The following BCKDHB variants were observed in gnomAD, a reference collection of about 807,000 sequenced individuals.
The protein encoded by BCKDHB is 2-oxoisovalerate dehydrogenase subunit beta, mitochondrial.
BCKDHB carries 41 observed loss-of-function variants against 48.5 expected under a neutral mutation model. The ratio of observed to expected loss-of-function variants is 0.85; its 90% CI spans 0.66 to 1.10. The LOEUF is 1.10. Among genes scored for constraint, BCKDHB ranks in the 50% least tolerant of loss-of-function variants. The probability of loss-of-function intolerance (pLI) is 0.00; values close to 1 mark genes in which losing one functional copy is unlikely to be tolerated. For missense variants in BCKDHB, 496 were observed against 494.2 expected (o/e 1.00, Z -0.03); for synonymous variants, 201 against 174.8 (o/e 1.15, Z -1.18).
intron 9 of BCKDHB, among the ~76,000 whole-genome samples, chr6:80,320,499 C>T (rs1247276132): frequency 1.3e-5 from 2 of 152,234 alleles, no homozygotes; most frequent in Non-Finnish European, 2.9e-5. Flanking sequence ...ATTATTAAAA[C>T]TTCATTTCTA....
chr6:80,384,873 G>A, the BCKDHB span, among the ~76,000 whole-genome samples: 1 of 152,154 alleles, frequency 6.6e-6, no homozygotes, highest in South Asian at 2.1e-4. Context: ...GACTTCTTTT[G>A]TTGGTTTTGG....
intron 8 of BCKDHB, among the ~76,000 whole-genome samples, chr6:80,222,202 A>G (rs573393977): frequency 1.3e-5 from 2 of 152,288 alleles, no homozygotes; most frequent in Admixed American, 1.3e-4. Flanking sequence ...CCTACTTATA[A>G]GTCAGAACAT....
intron 9 of BCKDHB, among the ~76,000 whole-genome samples, chr6:80,294,705 G>A (rs1002602305): frequency 3.3e-4 from 51 of 152,292 alleles, no homozygotes; most frequent in African/African-American, 1.1e-3. Context: ...AGACTTATTA[G>A]GGTGGGGAAG....
At chr6:80,287,460 G>T (rs1296358154) in intron 9 of BCKDHB, among the ~76,000 whole-genome samples, 1 of 91,920 alleles carries the variant, frequency 1.1e-5, no homozygotes, top group Non-Finnish European at 2.3e-5. Context: ...CTATTCCTTG[G>T]TTCAGTGATT....
At chr6:80,296,331 A>C (rs1767246007) in intron 9 of BCKDHB, among the ~76,000 whole-genome samples, 1 of 152,210 alleles carries the variant, frequency 6.6e-6, no homozygotes, top group African/African-American at 2.4e-5. Flanking sequence ...CACAATTGAC[A>C]AGGAAATTTG....
intron 3 of BCKDHB, among the ~76,000 whole-genome samples, chr6:80,141,575 A>G (rs184577734): frequency 2.0e-5 from 3 of 152,216 alleles, no homozygotes; most frequent in African/African-American, 4.8e-5. Flanking sequence ...GTTTTTCTCA[A>G]TCTTATTTGA....
At chr6:80,383,313 T>A in the BCKDHB span, among the ~76,000 whole-genome samples, 35 of 152,160 alleles carry the variant, frequency 2.3e-4, no homozygotes, top group Non-Finnish European at 4.4e-4. Flanking sequence ...TTTATTTTAC[T>A]GATTTATGAG....
At chr6:80,320,727 T>C (rs1007830038) in intron 9 of BCKDHB, among the ~76,000 whole-genome samples, 4 of 152,214 alleles carry the variant, frequency 2.6e-5, no homozygotes, top group African/African-American at 7.2e-5. Context: ...TAGGCAATTA[T>C]GATTTTTGCA....
At chr6:80,235,064 A>G (rs1297872577) in intron 8 of BCKDHB, among the ~76,000 whole-genome samples, 2 of 152,186 alleles carry the variant, frequency 1.3e-5, no homozygotes, top group Non-Finnish European at 2.9e-5. Flanking sequence ...ATCAAAATAC[A>G]GTTAGAAGAA....
In BCKDHB at chr6:80,283,608, T is replaced by C. The variant is rs115409815; in HGVS notation, c.1038+10387T>C. ...TTCTCTGAAGGAAAGCATTACTTTA[T>C]TTAAAAAGTTAATGGTGATTTCTAT... On this transcript the variant is annotated intron_variant, in intron 9 of 9. Coordinates refer to ENST00000320393, the MANE Select transcript of BCKDHB (RefSeq NM_183050.4). 6.0e-3 allele frequency among the ~76,000 whole-genome samples: 916 copies of C among 152,256 alleles called. 11 individuals carry two copies. Among genetic ancestry groups the C allele is most frequent in the African/African-American group, 0.021 (876 of 41,580 alleles).
At chr6:80,250,862 A>G (rs1398995404) in intron 8 of BCKDHB, among the ~76,000 whole-genome samples, 2 of 152,194 alleles carry the variant, frequency 1.3e-5, no homozygotes, top group Non-Finnish European at 2.9e-5. Context: ...CACATCTGTG[A>G]AGTCCACTTA....
the BCKDHB span, among the ~76,000 whole-genome samples, chr6:80,411,524 C>T: frequency 2.0e-5 from 3 of 152,224 alleles, no homozygotes; most frequent in Non-Finnish European, 4.4e-5. Context: ...TTAAAGTCTG[C>T]AGAAGTAGTC....
chr6:80,177,006 C>G (rs1773187452), intron 6 of BCKDHB, among the ~76,000 whole-genome samples: 1 of 152,034 alleles, frequency 6.6e-6, no homozygotes, highest in African/African-American at 2.4e-5. Context: ...GGGAGGATCG[C>G]TTGAGCCCAG....
At chr6:80,401,376 C>A in the BCKDHB span, among the ~76,000 whole-genome samples, 1 of 151,698 alleles carries the variant, frequency 6.6e-6, no homozygotes, top group Non-Finnish European at 1.5e-5. Context: ...GTAGATCCCC[C>A]CGACCCCTTT....
At chr6:80,333,410 G>C (rs1541208) in intron 9 of BCKDHB, among the ~76,000 whole-genome samples, 118,064 of 152,126 alleles carry the variant, frequency 0.78, 46,185 homozygotes, top group Admixed American at 0.84. Flanking sequence ...ATTTAGTCTG[G>C]GTAACTAAAT....
the BCKDHB span, among the ~76,000 whole-genome samples, chr6:80,412,939 T>C: frequency 1.3e-5 from 2 of 152,188 alleles, no homozygotes; most frequent in Admixed American, 1.3e-4. Context: ...CAAAATTTTC[T>C]GTTTTTGATT....
At chr6:80,407,596 A>G in the BCKDHB span, among the ~76,000 whole-genome samples, 1 of 152,090 alleles carries the variant, frequency 6.6e-6, no homozygotes, top group African/African-American at 2.4e-5. Context: ...ATTCCTGGGT[A>G]TTTTATTCCC....
intron 9 of BCKDHB, among the ~76,000 whole-genome samples, chr6:80,337,378 A>C (rs935755912): frequency 6.6e-6 from 1 of 152,252 alleles, no homozygotes; most frequent in East Asian, 1.9e-4. Context: ...TTTAACTCTT[A>C]TACTACTAAT....
chr6:80,202,019 A>C (rs540653299), intron 7 of BCKDHB, among the ~76,000 whole-genome samples: 2 of 151,608 alleles, frequency 1.3e-5, no homozygotes, highest in African/African-American at 4.8e-5. Context: ...TATCCCATTG[A>C]TATTGTCCTT....
Sources: gnomAD v4.1 joint callset for allele counts (sites outside exome capture counted in the v4.1 genomes callset) on GRCh38, gnomAD v4.1.1 for gene constraint, MANE v1.5 for transcripts, NCBI Gene and HGNC (gene_info 2026-07-23, HGNC 2026-07-21) for gene names.